The following ARPC1B variants were observed in gnomAD, a reference collection of about 807,000 sequenced individuals.
ARPC1B encodes the protein actin-related protein 2/3 complex subunit 1B.
In ARPC1B, 29 loss-of-function variants were observed where a neutral mutation model predicts 46.0. That is an observed-to-expected ratio of 0.63 (90% CI 0.47 to 0.86). The LOEUF (loss-of-function observed/expected upper bound fraction) is 0.86. Ranked by LOEUF, ARPC1B falls within the 40% of genes least tolerant of loss-of-function variation. The pLI is 0.00. For synonymous variants in ARPC1B, 201 were observed against 213.9 expected (o/e 0.94, Z 0.53); for missense variants, 469 against 529.4 (o/e 0.89, Z 1.12).
intron 1 of ARPC1B, among the ~76,000 whole-genome samples, chr7:99,375,095 TC>T (rs139371980): frequency 0.19 from 28,639 of 151,048 alleles, 5,503 homozygotes; most frequent in African/African-American, 0.5. Context: ...AAACGCGGGC[TC>T]CCAGCGCACC....
intron 2 of ARPC1B, 128 bp from the exon 3 acceptor site, chr7:99,386,557 G>A: frequency 1.2e-6 from 1 of 845,852 alleles, no homozygotes; most frequent in Non-Finnish European, 2.1e-6. Context: ...GGGGGCCCCT[G>A]CAAGGCAGAA....
chr7:99,378,446 C>T (rs951355260), intron 1 of ARPC1B, among the ~76,000 whole-genome samples: 1 of 151,300 alleles, frequency 6.6e-6, no homozygotes, highest in African/African-American at 2.4e-5. Flanking sequence ...TTTGGGAGGC[C>T]GAGGCGGGTG....
chr7:99,378,001 T>C (rs1276373271), intron 1 of ARPC1B, among the ~76,000 whole-genome samples: 1 of 152,096 alleles, frequency 6.6e-6, no homozygotes, highest in African/African-American at 2.4e-5. Context: ...ATTTACTCTT[T>C]CCATATTGTC....
At chr7:99,382,358 C>T (rs570788145) in intron 1 of ARPC1B, among the ~76,000 whole-genome samples, 33 of 145,220 alleles carry the variant, frequency 2.3e-4, no homozygotes, top group Admixed American at 1.6e-3. Flanking sequence ...GCCAAGACTG[C>T]GACATTGCAC....
At chr7:99,377,632 CTTT>C (rs201173165) in intron 1 of ARPC1B, among the ~76,000 whole-genome samples, 37 of 140,670 alleles carry the variant, frequency 2.6e-4, no homozygotes, top group African/African-American at 6.6e-4. Flanking sequence ...TCTTCTTCTT[CTTT>C]TTTTTTTTTA....
chr7:99,388,661 TCTCA>T (rs1240115105), intron 4 of ARPC1B: 1 of 165,756 alleles, frequency 6.0e-6, no homozygotes, highest in East Asian at 1.7e-4. Flanking sequence ...TCAGATGGAG[TCTCA>T]CTCTGTCACC....
rs36070836 is a variant in ARPC1B at position 99,391,752 on chromosome 7, C to CAA, written c.783+514_783+515dup. ...AGCCTCGGCGACACAAAACCTGTCT[C>CAA]AAAAAAAAAAAAAAAAGAGCCAGGC... On this transcript the variant is annotated intron_variant, in intron 7 of 9. Coordinates refer to ENST00000646101, the MANE Select transcript of ARPC1B (RefSeq NM_005720.4). Among the ~76,000 whole-genome samples, 581 of 115,716 alleles carry CAA rather than the reference C, an allele frequency of 5.0e-3. 1 individual carries two copies. Among genetic ancestry groups the CAA allele is most frequent in the African/African-American group, 0.015 (548 of 36,296 alleles). The allele number at this position is 115,716 out of a possible 152,430, so 75.9% of individuals were successfully genotyped here.
rs771183844 is a variant in ARPC1B at position 99,394,039 on chromosome 7, G to A, written c.1000G>A (p.Val334Met). 6 of 1,613,134 alleles carry A rather than the reference G, an allele frequency of 3.7e-6. No homozygotes were observed. In the South Asian group the frequency reaches 4.4e-5, roughly 12 times the overall value. Residue 334 changes from valine (V) to methionine (M), a missense_variant, in exon 9 of 10, where the codon GTG (valine) becomes ATG (methionine). Transcript: ENST00000646101. Reference protein sequence around the residue: ...LHKNSVSQISVLSGGKAKCSQ... With the variant: ...LHKNSVSQISMLSGGKAKCSQ... The stretch of plus-strand genomic sequence containing the variant: ...TCTTCCTCTTTGCAGCCAGATCTCG[G>A]TGCTCAGCGGCGGCAAGGCCAAGTG...
chr7:99,394,246 TG>T (rs1794689478), intron 9 of ARPC1B, 127 bp downstream of exon 9: 2 of 1,200,710 alleles, frequency 1.7e-6, no homozygotes, highest in Non-Finnish European at 2.4e-6. Flanking sequence ...GGATGAGGGG[TG>T]GGGGCGGCCC....
At chr7:99,376,068 A>AG (rs895750955) in intron 1 of ARPC1B, among the ~76,000 whole-genome samples, 1 of 151,784 alleles carries the variant, frequency 6.6e-6, no homozygotes, top group African/African-American at 2.4e-5. Flanking sequence ...TCTCAAAAAA[A>AG]AAAAAAAAAG....
In ARPC1B at chr7:99,385,144, C is replaced by T. The variant is rs371719812; in HGVS notation, c.-13-558C>T. Among the ~76,000 whole-genome samples the T allele has an allele frequency of 1.5e-3, 230 of 151,710 alleles. 1 individual carries two copies. Among genetic ancestry groups the T allele is most frequent in the Middle Eastern group, 3.4e-3 (1 of 294 alleles). On this transcript the variant is annotated intron_variant, in intron 1 of 9. Transcript: ENST00000646101. ...TAATTTTTTGTAGTTTTAGTAAAGA[C>T]GGAGTTTCACCATGTTGGCCAGGCT...
intron 2 of ARPC1B, chr7:99,386,347 G>A (rs1031056878): frequency 2.3e-5 from 11 of 475,336 alleles, no homozygotes; most frequent in African/African-American, 3.9e-5. Flanking sequence ...AGACCCAGAG[G>A]GGGAGAGGAA....
In ARPC1B at chr7:99,394,791, A is replaced by AG; in HGVS notation, c.*302_*303insG. On this transcript the variant is annotated 3_prime_UTR_variant, in exon 10 of 10. Coordinates refer to ENST00000646101, the MANE Select transcript of ARPC1B (RefSeq NM_005720.4). Reference sequence around the variant, plus strand: ...AAATGCAACTGTGTAAAAAAAAAAAAAAAAAAAAAAGTAATTATGGACATG... The same window carrying AG: ...AAATGCAACTGTGTAAAAAAAAAAAAGAAAAAAAAAAGTAATTATGGACATG... 8.1e-7 allele frequency: 1 copy of AG among 1,233,870 alleles called. No homozygotes were observed. The highest frequency in any genetic ancestry group is 1.6e-5 in the African/African-American group (1 of 64,222). 76.4% of individuals were successfully genotyped at this position (1,233,870 alleles called of 1,614,324 possible).
In ARPC1B at chr7:99,392,831, C is replaced by T. The variant is rs762289314; in HGVS notation, c.944C>T (p.Thr315Met). 5 of 1,550,050 alleles carry T rather than the reference C, an allele frequency of 3.2e-6. No individual in the cohort carries two copies. The highest frequency in any genetic ancestry group is 1.2e-5 in the South Asian group (1 of 84,078). ...LDKKASSEGGTAAGAGLDSLH... is the reference protein window; with the variant it reads ...LDKKASSEGGMAAGAGLDSLH... ...AAGAAGGCGAGCTCCGAGGGTGGCA[C>T]GGCTGCGGGCGCGGGCCTAGACTCG... The change falls in exon 8 of 10, where the codon ACG (threonine) becomes ATG (methionine). Residue 315 changes from threonine (T) to methionine (M), a missense_variant. Thr to Met is a moderately conservative substitution (Grantham distance 81). Coordinates refer to ENST00000646101, the MANE Select transcript of ARPC1B (RefSeq NM_005720.4).
At chr7:99,391,360 C>A in intron 7 of ARPC1B, 107 bp downstream of exon 7, 2 of 1,197,140 alleles carry the variant, frequency 1.7e-6, no homozygotes, top group Non-Finnish European at 2.4e-6. Context: ...TCCTTTTTTT[C>A]TTCCTTGCAT....
Position 99,376,811 on chromosome 7 carries a change from G to C in ARPC1B, c.-14+2030G>C, listed in dbSNP as rs557970287. Among the ~76,000 whole-genome samples, 204 of 151,516 alleles carry C rather than the reference G, an allele frequency of 1.3e-3. 1 individual carries two copies. The highest frequency in any genetic ancestry group is 4.3e-3 in the African/African-American group (179 of 41,334). On this transcript the variant is annotated intron_variant, in intron 1 of 9. Transcript: ENST00000646101. ...CTAGAACCTGGGAGGCGGAGGTTGC[G>C]GTGAGCCAAGATCATGCCGTTGCAC...
intron 1 of ARPC1B, among the ~76,000 whole-genome samples, chr7:99,384,758 C>A (rs1413217741): frequency 6.6e-6 from 1 of 152,238 alleles, no homozygotes; most frequent in South Asian, 2.1e-4. Context: ...CTCCCTTCTC[C>A]CCGTCTGAGC....
intron 7 of ARPC1B, 31 bp from the exon 8 acceptor site, chr7:99,392,640 G>T: frequency 6.9e-7 from 1 of 1,448,222 alleles, no homozygotes; most frequent in South Asian, 1.4e-5. Context: ...TCCCCTCCGC[G>T]GCGCTCCAAT....
At chr7:99,375,987 G>A (rs1048055370) in intron 1 of ARPC1B, among the ~76,000 whole-genome samples, 13 of 151,686 alleles carry the variant, frequency 8.6e-5, no homozygotes, top group African/African-American at 3.2e-4. Context: ...GCTTGAACCC[G>A]GGAGGCAGAG....
Sources: allele counts gnomAD v4.1 joint callset (sites outside exome capture counted in the v4.1 genomes callset), GRCh38; gene constraint gnomAD v4.1.1; transcripts MANE v1.5; gene names NCBI Gene and HGNC (gene_info 2026-07-23, HGNC 2026-07-21).